The following MGAM2 variants were observed in gnomAD, a reference collection of about 807,000 sequenced individuals.
The protein encoded by MGAM2 is probable maltase-glucoamylase 2.
A neutral mutation model predicts 96.1 loss-of-function variants in MGAM2; 98 were observed. The ratio of observed to expected loss-of-function variants is 1.02; its 90% confidence interval spans 0.87 to 1.21. MGAM2 has a LOEUF of 1.21. Among genes scored for constraint, MGAM2 ranks in the 50% most tolerant of loss-of-function variants. The pLI is 0.00. For synonymous variants in MGAM2, 749 were observed against 414.8 expected, an observed-to-expected ratio of 1.81 and a Z score of -9.79; for missense variants, 2,055 against 1,182.4, an observed-to-expected ratio of 1.74 and a Z score of -10.82.
Position 142,137,550 on chromosome 7 carries a change from G to A in MGAM2, c.960+5G>A, listed in dbSNP as rs1283551070. The A allele has an allele frequency of 2.9e-6, 2 of 692,236 alleles. No individual in the cohort carries two copies. Among genetic ancestry groups the A allele is most frequent in the African/African-American group, 3.5e-5 (2 of 56,564 alleles). 42.9% of individuals were successfully genotyped at this position (692,236 alleles called of 1,614,324 possible). On this transcript the variant is annotated splice_donor_5th_base_variant and intron_variant, in intron 9 of 47. Coordinates refer to ENST00000477922, the MANE Select transcript of MGAM2 (RefSeq NM_001293626.2). ...GTGGTTCAGGAATACTTGGAGGTAT[G>A]TCTTTGCATTTAGATAGTCATTATT...
At chr7:142,182,286 C>G (rs1003973141) in intron 32 of MGAM2, among the ~76,000 whole-genome samples, 2 of 152,174 alleles carry the variant, frequency 1.3e-5, no homozygotes, top group Non-Finnish European at 2.9e-5. Flanking sequence ...TCCAGGCCAC[C>G]AGCAAAGCAC....
chr7:142,216,109 G>C (rs1350621000), intron 46 of MGAM2, among the ~76,000 whole-genome samples: 2 of 152,102 alleles, frequency 1.3e-5, no homozygotes, highest in African/African-American at 4.8e-5. Flanking sequence ...TCATAGACAT[G>C]ATTATCAGGT....
chr7:142,171,365 A>C lies in MGAM2; in HGVS notation c.3276A>C (p.Glu1092Asp), dbSNP rs1218876851. Residue 1092 changes from glutamate to aspartate, a missense_variant, in exon 28 of 48, where the codon GAA becomes GAC. By Grantham distance (45) the Glu-to-Asp change is conservative. Transcript: ENST00000477922. ...LPSQYIYGFGETEHTTFRRNM... is the reference protein window; with the variant it reads ...LPSQYIYGFGDTEHTTFRRNM... ...CCCAGTACATCTATGGCTTTGGGGA[A>C]ACTGAGCACACGACTTTCAGAAGAA... 7.1e-6 allele frequency: 5 copies of C among 703,080 alleles called. No individual in the cohort carries two copies. Among genetic ancestry groups the C allele is most frequent in the Non-Finnish European group, 5.2e-6 (2 of 384,930 alleles). The allele number at this position is 703,080 out of a possible 1,614,324, so 43.6% of individuals were successfully genotyped here.
At chr7:142,201,522 G>T (rs6963175) in intron 45 of MGAM2, among the ~76,000 whole-genome samples, 1 of 152,028 alleles carries the variant, frequency 6.6e-6, no homozygotes. Flanking sequence ...AATACAGTTA[G>T]GTTTTGACAA....
intron 32 of MGAM2, among the ~76,000 whole-genome samples, chr7:142,183,043 A>G (rs1044535589): frequency 1.3e-5 from 2 of 152,174 alleles, no homozygotes; most frequent in Admixed American, 6.5e-5. Flanking sequence ...AGGGTTTTAT[A>G]TCTTACTTTG....
chr7:142,124,451 G>A (rs1794682390), intron 3 of MGAM2, among the ~76,000 whole-genome samples: 1 of 152,068 alleles, frequency 6.6e-6, no homozygotes, highest in Non-Finnish European at 1.5e-5. Context: ...ATACCATACA[G>A]CCTTAATAAC....
At chr7:142,123,530 G>C (rs1284570061) in intron 3 of MGAM2, among the ~76,000 whole-genome samples, 1 of 152,028 alleles carries the variant, frequency 6.6e-6, no homozygotes, top group Non-Finnish European at 1.5e-5. Context: ...TGTTTCTCAT[G>C]ACTAATAAGG....
At chr7:142,145,088 C>G (rs12154456) in intron 14 of MGAM2, 143 bp downstream of exon 14, 170,410 of 570,692 alleles carry the variant, frequency 0.3, 28,158 homozygotes, top group East Asian at 0.47. Context: ...GCCGAAGTCT[C>G]TGCAGCAGTG....
intron 32 of MGAM2, among the ~76,000 whole-genome samples, chr7:142,178,160 CT>C (rs1796431840): frequency 6.6e-6 from 1 of 152,192 alleles, no homozygotes; most frequent in Admixed American, 6.5e-5. Flanking sequence ...TGTATGTCTT[CT>C]TTTGAGCAGT....
At chr7:142,141,267 A>G in intron 12 of MGAM2, 148 bp downstream of exon 12, 1 of 547,012 alleles carries the variant, frequency 1.8e-6, no homozygotes, top group Middle Eastern at 4.6e-4. Context: ...ACCAGTAGAT[A>G]TAATAATAGA....
At chr7:142,120,457 G>A (rs1052816930) in intron 3 of MGAM2, 76 bp downstream of exon 3, 5 of 663,064 alleles carry the variant, frequency 7.5e-6, no homozygotes, top group African/African-American at 7.1e-5. Context: ...GTGGGGAAAG[G>A]GTGGGGGTGG....
chr7:142,190,195 T>C (rs1796825855), intron 37 of MGAM2, among the ~76,000 whole-genome samples: 1 of 151,930 alleles, frequency 6.6e-6, no homozygotes, highest in Admixed American at 6.6e-5. Context: ...AACTTCTGTG[T>C]CATATAGGAA....
At chr7:142,113,958 C>A (rs775655005) in intron 1 of MGAM2, among the ~76,000 whole-genome samples, 4 of 151,704 alleles carry the variant, frequency 2.6e-5, no homozygotes, top group Non-Finnish European at 4.4e-5. Context: ...ATGGTGAAAC[C>A]CTGTCTCTAC....
chr7:142,139,741 C>T (rs900329476), intron 10 of MGAM2, among the ~76,000 whole-genome samples: 2 of 150,334 alleles, frequency 1.3e-5, no homozygotes, highest in African/African-American at 2.5e-5. Context: ...GGCCTGCTTT[C>T]AGGGTTCTTC....
rs1389284185 is a variant in MGAM2 at position 142,221,088 on chromosome 7, A to C, written c.6577A>C (p.Thr2193Pro). 1 of 702,570 alleles carries C rather than the reference A, an allele frequency of 1.4e-6. No homozygotes were observed. The highest frequency in any genetic ancestry group is 2.0e-5 in the Admixed American group (1 of 49,984). The allele number at this position is 702,570 out of a possible 1,614,324, so 43.5% of individuals were successfully genotyped here. Residue 2193 changes from threonine to proline, a missense_variant, in exon 48 of 48, where the codon ACT becomes CCT. Physicochemically the swap from Thr to Pro is conservative, Grantham distance 38. Transcript: ENST00000477922. ...IPSLANTGVD[T>P]TSNSFSIMTT... ...TTCTCTTGCAAATACTGGTGTTGAC[A>C]CTACTAGCAACAGTTTTTCCATTAT...
rs1794980870 is a variant in MGAM2 at position 142,133,963 on chromosome 7, A to G, written c.576-18A>G. ...AGTGTTTTTCGGTGATTCTTGCTCT[A>G]CTTACCCCATGGCCCAGGTTGGACA... On this transcript the variant is annotated intron_variant, in intron 6 of 47. Coordinates refer to ENST00000477922, the MANE Select transcript of MGAM2 (RefSeq NM_001293626.2). The G allele has an allele frequency of 1.0e-5, 7 of 697,208 alleles. No individual in the cohort carries two copies. Among genetic ancestry groups the G allele is most frequent in the Non-Finnish European group, 1.8e-5 (7 of 381,686 alleles). The allele number at this position is 697,208 out of a possible 1,614,324, so 43.2% of individuals were successfully genotyped here. A position where few individuals can be genotyped will look rare whatever the true frequency, so the allele number is the denominator to read the frequency against.
intron 33 of MGAM2, among the ~76,000 whole-genome samples, 177 bp downstream of exon 33, chr7:142,183,550 C>T (rs1449984030): frequency 6.6e-6 from 1 of 152,154 alleles, no homozygotes; most frequent in Non-Finnish European, 1.5e-5. Context: ...CAAATCTCAT[C>T]CTCTATTATT....
chr7:142,120,023 A>G (rs1284031557), intron 2 of MGAM2, among the ~76,000 whole-genome samples: 1 of 152,244 alleles, frequency 6.6e-6, no homozygotes, highest in Non-Finnish European at 1.5e-5. Flanking sequence ...ATTGACATAT[A>G]CTTTAAGAGG....
At chr7:142,217,905 GA>G (rs1797813686) in intron 46 of MGAM2, among the ~76,000 whole-genome samples, 1 of 152,070 alleles carries the variant, frequency 6.6e-6, no homozygotes, top group Non-Finnish European at 1.5e-5. Context: ...CCAACATAGT[GA>G]AACCCCGTCT....
Sources: allele counts gnomAD v4.1 joint callset (sites outside exome capture counted in the v4.1 genomes callset), GRCh38; gene constraint gnomAD v4.1.1; transcripts MANE v1.5; gene names NCBI Gene and HGNC (gene_info 2026-07-23, HGNC 2026-07-21).